CDC42BPA: variants seen among roughly 807,000 people sequenced by gnomAD.
CDC42BPA encodes CDC42 binding protein kinase alpha.
Under a neutral mutation model 223.5 loss-of-function variants are expected in CDC42BPA, and 80 were observed. That is an observed-to-expected ratio of 0.36 (90% CI 0.30 to 0.43). CDC42BPA has a LOEUF of 0.43. CDC42BPA is among the 20% of genes least tolerant of loss of function. The pLI, the probability that CDC42BPA is intolerant of heterozygous loss-of-function variation, is 1.00. For synonymous variants in CDC42BPA, 694 were observed against 718.6 expected, an observed-to-expected ratio of 0.97 and a Z score of 0.55; for missense variants, 1,743 against 2,099.9, an observed-to-expected ratio of 0.83 and a Z score of 3.32.
intron 23 of CDC42BPA, among the ~76,000 whole-genome samples, chr1:227,046,616 A>T (rs1425820950): frequency 6.6e-6 from 1 of 152,120 alleles, no homozygotes; most frequent in East Asian, 1.9e-4. Flanking sequence ...ATAACACTTT[A>T]TGTGGACTTT....
intron 22 of CDC42BPA, among the ~76,000 whole-genome samples, chr1:227,048,484 C>T (rs1243869951): frequency 1.3e-5 from 2 of 151,724 alleles, no homozygotes; most frequent in Non-Finnish European, 1.5e-5. Flanking sequence ...AATACATAGA[C>T]AGAGACTGAC....
intron 6 of CDC42BPA, among the ~76,000 whole-genome samples, chr1:227,157,727 TTC>T (rs757860020): frequency 2.0e-5 from 3 of 152,058 alleles, no homozygotes; most frequent in African/African-American, 7.2e-5. Flanking sequence ...CTCAATATTT[TTC>T]TCTGTTTTTC....
At chr1:227,291,552 A>C (rs1689699182) in intron 1 of CDC42BPA, among the ~76,000 whole-genome samples, 1 of 150,968 alleles carries the variant, frequency 6.6e-6, no homozygotes, top group South Asian at 2.1e-4. Flanking sequence ...CTGTCTCAAA[A>C]ATTAAAAACA....
intron 21 of CDC42BPA, among the ~76,000 whole-genome samples, chr1:227,060,822 A>G (rs1178838625): frequency 6.7e-6 from 1 of 148,268 alleles, no homozygotes; most frequent in African/African-American, 2.5e-5. Context: ...CCCAGGTTCA[A>G]GTGATTCTCC....
At chr1:227,311,838 C>T (rs1693592127) in intron 1 of CDC42BPA, among the ~76,000 whole-genome samples, 1 of 152,074 alleles carries the variant, frequency 6.6e-6, no homozygotes, top group East Asian at 1.9e-4. Flanking sequence ...CTTTTTCTCC[C>T]TCCCCCATGT....
At chr1:227,285,999 G>A (rs1688745464) in intron 1 of CDC42BPA, among the ~76,000 whole-genome samples, 1 of 152,152 alleles carries the variant, frequency 6.6e-6, no homozygotes, top group Non-Finnish European at 1.5e-5. Context: ...GCCTATAATG[G>A]GAAGGACAGC....
intron 6 of CDC42BPA, among the ~76,000 whole-genome samples, chr1:227,150,161 T>C (rs1160139966): frequency 1.3e-5 from 2 of 150,936 alleles, no homozygotes; most frequent in African/African-American, 4.9e-5. Flanking sequence ...GAAGTTGAGG[T>C]TGCAGTGAGC....
intron 2 of CDC42BPA, among the ~76,000 whole-genome samples, chr1:227,219,802 A>T (rs2150428574): frequency 6.6e-6 from 1 of 152,274 alleles, no homozygotes; most frequent in South Asian, 2.1e-4. Flanking sequence ...AGCCCAGCAG[A>T]GATATTTTCA....
chr1:227,101,210 T>A lies in CDC42BPA; in HGVS notation c.2031A>T (p.Val677=). 6.3e-7 allele frequency: 1 copy of A among 1,598,246 alleles called. No individual in the cohort carries two copies. The change falls in exon 15 of 37, where the codon GTA becomes GTT. Residue 677 remains valine, a synonymous_variant. Transcript: ENST00000366766. ...TCTCTTGCTGATGTTCTATGCTGCA[T>A]ACTCCTGGTGAGTAACTAATTTGTT... The part of the protein sequence containing the change: ...KQKQISYSPG[V]CSIEHQQEIT...
At position 227,182,295 on chromosome 1, in the gene CDC42BPA, T is replaced by C. The variant is rs568472397; in HGVS notation, c.599+11491A>G. ...GTTTGAATTACAGATCCCAGCCTTATAGCTGGTAAGAAAAATCACTTCCTT... is the reference window on the plus strand; with the variant it reads ...GTTTGAATTACAGATCCCAGCCTTACAGCTGGTAAGAAAAATCACTTCCTT... On this transcript the variant is annotated intron_variant, in intron 5 of 36. Transcript: ENST00000366766. Among the ~76,000 whole-genome samples the C allele has an allele frequency of 3.3e-5, 5 of 152,328 alleles. No individual in the cohort carries two copies. The South Asian group carries it at 6.2e-4, about 19-fold the overall frequency.
At position 227,101,221 on chromosome 1, in the gene CDC42BPA, A is replaced by T; in HGVS notation, c.2020T>A (p.Ser674Thr). 1 of 1,544,248 alleles carries T rather than the reference A, an allele frequency of 6.5e-7. No homozygotes were observed. The highest frequency in any genetic ancestry group is 2.0e-5 in the Admixed American group (1 of 50,006). Residue 674 changes from serine (S) to threonine (T), a missense_variant, in exon 15 of 37, where the codon TCA becomes ACA. Physicochemically the swap from Ser to Thr is moderately conservative, Grantham distance 58. Coordinates refer to ENST00000366766, the MANE Select transcript of CDC42BPA (RefSeq NM_001394014.1). ...TGTTCTATGCTGCATACTCCTGGTG[A>T]GTAACTAATTTGTTTTTGCTATAGA... ...EGLKQKQISY[S>T]PGVCSIEHQQ...
chr1:227,129,232 CT>C lies in CDC42BPA; in HGVS notation c.1391-2del. On this transcript the variant is annotated splice_acceptor_variant, in intron 10 of 36. Coordinates refer to ENST00000366766, the MANE Select transcript of CDC42BPA (RefSeq NM_001394014.1). LOFTEE classifies it high-confidence loss of function. Reference sequence around the variant, plus strand: ...AGAGCTTGGACAGTCTGTGTTGACTCTTTAAAAAAAAGGATAAAAGAAATAA... The same window carrying C: ...AGAGCTTGGACAGTCTGTGTTGACTCTTAAAAAAAAGGATAAAAGAAATAA... The C allele has an allele frequency of 6.4e-7, 1 of 1,556,824 alleles. No individual in the cohort carries two copies. Among genetic ancestry groups the C allele is most frequent in the Non-Finnish European group, 8.6e-7 (1 of 1,157,168 alleles).
chr1:227,317,447 TAA>T lies in CDC42BPA; in HGVS notation c.-267_-266del, dbSNP rs1475625848. ...TAATGCATTTTTAAAAGAATACAAT[TAA>T]GTCGTATATTTAAATAAAATAATAA... On this transcript the variant is annotated 5_prime_UTR_variant, in exon 1 of 37. Coordinates refer to ENST00000366766, the MANE Select transcript of CDC42BPA (RefSeq NM_001394014.1). 9.9e-6 allele frequency: 4 copies of T among 402,362 alleles called. No individual in the cohort carries two copies. Among genetic ancestry groups the T allele is most frequent in the Non-Finnish European group, 1.7e-5 (4 of 229,798 alleles). The allele number at this position is 402,362 out of a possible 1,614,324, so 24.9% of individuals were successfully genotyped here.
At chr1:227,047,522 T>C (rs1404771014) in intron 23 of CDC42BPA, among the ~76,000 whole-genome samples, 4 of 152,186 alleles carry the variant, frequency 2.6e-5, no homozygotes, top group African/African-American at 7.2e-5. Context: ...CATTCTACCA[T>C]ATGTAATACT....
intron 1 of CDC42BPA, among the ~76,000 whole-genome samples, chr1:227,294,650 G>A: frequency 1.3e-5 from 1 of 74,910 alleles, no homozygotes; most frequent in African/African-American, 5.4e-5. Flanking sequence ...CACGAGGTCA[G>A]GAGATCGAGA....
chr1:227,267,876 G>A (rs1267739643), intron 1 of CDC42BPA, among the ~76,000 whole-genome samples: 2 of 152,040 alleles, frequency 1.3e-5, no homozygotes, highest in East Asian at 1.9e-4. Flanking sequence ...GTAACAATTC[G>A]AAATGAGATT....
At chr1:227,301,128 G>C (rs1453617938) in intron 1 of CDC42BPA, among the ~76,000 whole-genome samples, 1 of 152,024 alleles carries the variant, frequency 6.6e-6, no homozygotes, top group African/African-American at 2.4e-5. Flanking sequence ...GGTTTTTTAG[G>C]AATCAACTAA....
At position 227,198,386 on chromosome 1, in the gene CDC42BPA, A is replaced by G. The variant is rs1671097376; in HGVS notation, c.450+1171T>C. Among the ~76,000 whole-genome samples, 4 of 149,758 alleles carry G rather than the reference A, an allele frequency of 2.7e-5. No individual in the cohort carries two copies. In the Admixed American group the frequency reaches 2.7e-4, roughly 10 times the overall value. Reference sequence around the variant, plus strand: ...GGTGGGAGGGCTGCTTGAGCCCAGGAATCAGATACAGCAGTTAGCTCTAAT... The same window carrying G: ...GGTGGGAGGGCTGCTTGAGCCCAGGGATCAGATACAGCAGTTAGCTCTAAT... On this transcript the variant is annotated intron_variant, in intron 4 of 36. Transcript: ENST00000366766.
chr1:227,142,445 C>T (rs937722534), intron 9 of CDC42BPA, among the ~76,000 whole-genome samples: 11 of 152,024 alleles, frequency 7.2e-5, no homozygotes, highest in African/African-American at 2.7e-4. Flanking sequence ...CCATTCTTTC[C>T]CCTCCAAAAC....
Sources: allele counts gnomAD v4.1 joint callset (sites outside exome capture counted in the v4.1 genomes callset), GRCh38; gene constraint gnomAD v4.1.1; transcripts MANE v1.5; gene names NCBI Gene and HGNC (gene_info 2026-07-23, HGNC 2026-07-21).